The following RSRC1 variants were observed in gnomAD, a reference collection of about 807,000 sequenced individuals.
RSRC1 encodes serine/Arginine-related protein 53.
In RSRC1, 39 loss-of-function variants were observed where a neutral mutation model predicts 49.1. That is an observed-to-expected ratio of 0.79 (90% CI 0.61 to 1.04). RSRC1 has a LOEUF of 1.04. RSRC1 is among the 50% of genes least tolerant of loss of function. RSRC1 has a pLI of 0.00. For synonymous variants in RSRC1, 143 were observed against 130.8 expected (o/e 1.09, Z -0.63); for missense variants, 388 against 402.4 (o/e 0.96, Z 0.31).
chr3:158,533,753 A>G (rs1225211841), intron 7 of RSRC1, among the ~76,000 whole-genome samples: 1 of 151,732 alleles, frequency 6.6e-6, no homozygotes, highest in African/African-American at 2.4e-5. Flanking sequence ...TAAGACCTAT[A>G]CAGACAAATG....
chr3:158,130,168 TAGAG>T (rs1289081750), intron 3 of RSRC1, among the ~76,000 whole-genome samples: 1 of 152,128 alleles, frequency 6.6e-6, no homozygotes, highest in Non-Finnish European at 1.5e-5. Context: ...TTGGAGATCA[TAGAG>T]AGGAAGCAAA....
At chr3:158,325,912 T>C (rs1729103764) in intron 5 of RSRC1, among the ~76,000 whole-genome samples, 3 of 152,182 alleles carry the variant, frequency 2.0e-5, no homozygotes, top group Admixed American at 1.3e-4. Flanking sequence ...CCTTGAGCAG[T>C]GGATTGTAGT....
chr3:158,258,705 C>T (rs926822885), intron 4 of RSRC1, among the ~76,000 whole-genome samples: 1 of 152,088 alleles, frequency 6.6e-6, no homozygotes, highest in Non-Finnish European at 1.5e-5. Context: ...GGGCTATTTT[C>T]TGGATCTTGT....
intron 5 of RSRC1, among the ~76,000 whole-genome samples, chr3:158,330,731 A>G (rs1388905408): frequency 6.6e-6 from 1 of 152,170 alleles, no homozygotes; most frequent in African/African-American, 2.4e-5. Flanking sequence ...CTCAAGGAGT[A>G]TGAGTACTTG....
chr3:158,365,170 T>G (rs1731693053), intron 6 of RSRC1, among the ~76,000 whole-genome samples: 1 of 152,176 alleles, frequency 6.6e-6, no homozygotes, highest in Non-Finnish European at 1.5e-5. Flanking sequence ...AAAATTATAC[T>G]TTAAGTTCTG....
chr3:158,400,271 C>T lies in RSRC1; in HGVS notation c.583+45363C>T, dbSNP rs148188784. On this transcript the variant is annotated intron_variant, in intron 6 of 9. Coordinates refer to ENST00000611884, the MANE Select transcript of RSRC1 (RefSeq NM_001271838.2). Reference sequence around the variant, plus strand: ...GTGTTTGTGGTGATGCTGGTATAAACAAACTTCCTGCAGTGCCAGTTGTAT... The same window carrying T: ...GTGTTTGTGGTGATGCTGGTATAAATAAACTTCCTGCAGTGCCAGTTGTAT... Among the ~76,000 whole-genome samples the T allele has an allele frequency of 2.6e-3, 391 of 152,182 alleles. 3 individuals are homozygous for T. The highest frequency in any genetic ancestry group is 8.7e-3 in the African/African-American group (363 of 41,512).
At chr3:158,293,491 G>T (rs948901814) in intron 4 of RSRC1, among the ~76,000 whole-genome samples, 2 of 152,040 alleles carry the variant, frequency 1.3e-5, no homozygotes, top group South Asian at 2.1e-4. Flanking sequence ...CTGGATTTTG[G>T]TTTTTTATCC....
chr3:158,342,718 C>CG (rs1041863739), intron 5 of RSRC1, among the ~76,000 whole-genome samples: 2 of 152,086 alleles, frequency 1.3e-5, no homozygotes, highest in African/African-American at 4.8e-5. Flanking sequence ...CTTCCAGTCA[C>CG]GATGGAATAA....
chr3:158,305,322 A>G (rs1393030048), intron 5 of RSRC1, among the ~76,000 whole-genome samples: 2 of 152,156 alleles, frequency 1.3e-5, no homozygotes, highest in Non-Finnish European at 2.9e-5. Context: ...TATGTTTAAT[A>G]TAGATAACTT....
At chr3:158,217,531 G>C (rs898865427) in intron 4 of RSRC1, among the ~76,000 whole-genome samples, 2 of 151,456 alleles carry the variant, frequency 1.3e-5, no homozygotes, top group African/African-American at 4.8e-5. Context: ...TATGATGTTA[G>C]GTTCCTCACA....
chr3:158,497,858 C>T (rs988362185), intron 7 of RSRC1, among the ~76,000 whole-genome samples: 39 of 152,262 alleles, frequency 2.6e-4, no homozygotes, highest in African/African-American at 8.4e-4. Context: ...CCAGTATCAT[C>T]CAGGTTGCTG....
intron 5 of RSRC1, among the ~76,000 whole-genome samples, chr3:158,347,401 C>T (rs1033828954): frequency 1.3e-5 from 2 of 152,148 alleles, no homozygotes; most frequent in Admixed American, 1.3e-4. Context: ...TTCAACTATA[C>T]ATTCTCTTCA....
chr3:158,518,756 A>G (rs1171809574), intron 7 of RSRC1, among the ~76,000 whole-genome samples: 1 of 152,098 alleles, frequency 6.6e-6, no homozygotes, highest in Non-Finnish European at 1.5e-5. Flanking sequence ...AACTCAACCG[A>G]CCACACTATT....
At chr3:158,419,766 A>G (rs377526214) in intron 6 of RSRC1, among the ~76,000 whole-genome samples, 3 of 150,838 alleles carry the variant, frequency 2.0e-5, no homozygotes, top group East Asian at 3.9e-4. Flanking sequence ...GACTTTTTTT[A>G]TTCTAAAAAC....
At chr3:158,125,144 A>C (rs1400384812) in intron 3 of RSRC1, among the ~76,000 whole-genome samples, 1 of 151,516 alleles carries the variant, frequency 6.6e-6, no homozygotes, top group South Asian at 2.1e-4. Flanking sequence ...CTAACTAAGT[A>C]CTTGTTAATT....
At chr3:158,228,776 T>G (rs190279493) in intron 4 of RSRC1, among the ~76,000 whole-genome samples, 30 of 151,908 alleles carry the variant, frequency 2.0e-4, no homozygotes, top group African/African-American at 6.5e-4. Flanking sequence ...TATATATATA[T>G]GTGTGTGTGT....
chr3:158,116,762 A>C (rs2108154152), intron 1 of RSRC1, among the ~76,000 whole-genome samples: 1 of 152,294 alleles, frequency 6.6e-6, no homozygotes, highest in African/African-American at 2.4e-5. Context: ...AGAGATCCCC[A>C]AGGGTCTACA....
At chr3:158,524,072 A>G (rs1196382705) in intron 7 of RSRC1, among the ~76,000 whole-genome samples, 1 of 152,016 alleles carries the variant, frequency 6.6e-6, no homozygotes, top group African/African-American at 2.4e-5. Flanking sequence ...CTCTGTTACA[A>G]TTCTTTGAAG....
In RSRC1 at chr3:158,212,466, A is replaced by T. The variant is rs78489914; in HGVS notation, c.494+9221A>T. 1.6e-3 allele frequency among the ~76,000 whole-genome samples: 243 copies of T among 152,032 alleles called. 3 individuals are homozygous for T. The East Asian group carries it at 0.043, about 27-fold the overall frequency. The stretch of plus-strand genomic sequence containing the variant: ...TCATTTAGCATCAGTTGTTTAAAAA[A>T]TTGAATGTCACTGCTAGGATTCATA... On this transcript the variant is annotated intron_variant, in intron 4 of 9. Coordinates refer to ENST00000611884, the MANE Select transcript of RSRC1 (RefSeq NM_001271838.2).
Sources: gnomAD v4.1 joint callset for allele counts (sites outside exome capture counted in the v4.1 genomes callset) on GRCh38, gnomAD v4.1.1 for gene constraint, MANE v1.5 for transcripts, NCBI Gene and HGNC (gene_info 2026-07-23, HGNC 2026-07-21) for gene names.